The following UBAC2 variants were observed in gnomAD, a reference collection of about 807,000 sequenced individuals.
UBAC2 encodes UBA domain containing 2, also known as ubiquitin-associated domain-containing protein 2.
Under a neutral mutation model 44.0 loss-of-function variants are expected in UBAC2, and 26 were observed. The observed-to-expected ratio is 0.59, with a 90% CI of 0.43 to 0.82. UBAC2 has a LOEUF of 0.82. Ranked by LOEUF, UBAC2 falls within the 40% of genes least tolerant of loss-of-function variation. The pLI is 0.00. For synonymous variants in UBAC2, 155 were observed against 154.3 expected (o/e 1.00, Z -0.04); for missense variants, 329 against 419.4 (o/e 0.78, Z 1.88).
chr13:99,223,580 A>T, intron 1 of UBAC2, among the ~76,000 whole-genome samples: 2 of 114,452 alleles, frequency 1.7e-5, no homozygotes, highest in East Asian at 2.5e-4. Flanking sequence ...ATTGTAACCT[A>T]CACCATTATG....
intron 4 of UBAC2, chr13:99,307,208 A>G (rs755097376): frequency 6.6e-6 from 1 of 152,178 alleles, no homozygotes. Context: ...TTATTAATAT[A>G]ATTTTTGTTA....
rs991509244 is a variant in UBAC2 at position 99,367,718 on chromosome 13, A to G, written c.808-69A>G. On this transcript the variant is annotated intron_variant, in intron 7 of 8. Coordinates refer to ENST00000403766, the MANE Select transcript of UBAC2 (RefSeq NM_001144072.2). ...TATAGATGTAACTGCATTGAGAGAA[A>G]GCTCTTCCAAGCATTATGATGATTC... 23 of 1,600,800 alleles carry G rather than the reference A, an allele frequency of 1.4e-5. No homozygotes were observed. The African/African-American group carries it at 2.4e-4, about 17-fold the overall frequency.
intron 7 of UBAC2, among the ~76,000 whole-genome samples, chr13:99,349,201 G>A (rs2045039223): frequency 6.6e-6 from 1 of 152,176 alleles, no homozygotes; most frequent in South Asian, 2.1e-4. Flanking sequence ...AGTCTCCACA[G>A]CTTCACGGTG....
intron 6 of UBAC2, among the ~76,000 whole-genome samples, chr13:99,327,656 G>A (rs1427774556): frequency 6.6e-6 from 1 of 152,010 alleles, no homozygotes; most frequent in African/African-American, 2.4e-5. Context: ...GTTATCAAAG[G>A]TCTTCCATGT....
At chr13:99,204,068 C>T (rs953001350) in intron 1 of UBAC2, among the ~76,000 whole-genome samples, 3 of 152,194 alleles carry the variant, frequency 2.0e-5, no homozygotes, top group Non-Finnish European at 4.4e-5. Context: ...GTATCATTCA[C>T]TGCATTTATT....
At chr13:99,312,573 C>T (rs540484899) in intron 4 of UBAC2, among the ~76,000 whole-genome samples, 7 of 152,284 alleles carry the variant, frequency 4.6e-5, no homozygotes, top group African/African-American at 1.2e-4. Flanking sequence ...ATCCTTGGCA[C>T]GCATTTGATT....
intron 1 of UBAC2, chr13:99,201,672 T>A: frequency 8.0e-7 from 1 of 1,255,838 alleles, no homozygotes; most frequent in Non-Finnish European, 1.1e-6. Context: ...TAGGCACGGG[T>A]ACAGCAACGG....
intron 4 of UBAC2, among the ~76,000 whole-genome samples, chr13:99,257,767 T>C (rs921147878): frequency 6.6e-6 from 1 of 152,216 alleles, no homozygotes; most frequent in African/African-American, 2.4e-5. Context: ...TGAACATTCC[T>C]AAATATACAT....
At chr13:99,211,718 G>A (rs1056429241) in intron 1 of UBAC2, among the ~76,000 whole-genome samples, 3 of 152,192 alleles carry the variant, frequency 2.0e-5, no homozygotes, top group African/African-American at 7.2e-5. Flanking sequence ...TGCCTGTTCT[G>A]TGTTGCTCAC....
At chr13:99,318,252 C>T (rs2044519822) in intron 6 of UBAC2, among the ~76,000 whole-genome samples, 183 bp downstream of exon 6, 1 of 152,092 alleles carries the variant, frequency 6.6e-6, no homozygotes, top group Non-Finnish European at 1.5e-5. Context: ...ACCACAACCT[C>T]TGCCTCCCGG....
At chr13:99,363,201 G>C (rs2045288399) in intron 7 of UBAC2, among the ~76,000 whole-genome samples, 1 of 152,042 alleles carries the variant, frequency 6.6e-6, no homozygotes, top group African/African-American at 2.4e-5. Context: ...TGGATTTTTT[G>C]CCTAACTTCC....
At chr13:99,314,025 C>T in intron 4 of UBAC2, 72 bp from the exon 5 acceptor site, 1 of 1,430,302 alleles carries the variant, frequency 7.0e-7, no homozygotes, top group East Asian at 2.3e-5. Context: ...AGCAGTGTTA[C>T]TTCAAAGATA....
At chr13:99,229,108 C>T (rs774440060) in intron 1 of UBAC2, among the ~76,000 whole-genome samples, 3 of 152,108 alleles carry the variant, frequency 2.0e-5, no homozygotes, top group Admixed American at 6.5e-5. Flanking sequence ...GTGGATGTAG[C>T]GAAGGGTAAG....
At chr13:99,292,147 T>G (rs2044098257) in intron 4 of UBAC2, among the ~76,000 whole-genome samples, 1 of 152,096 alleles carries the variant, frequency 6.6e-6, no homozygotes, top group East Asian at 1.9e-4. Flanking sequence ...TCTTTTCTTT[T>G]TTTTTTGAGA....
At chr13:99,348,040 T>C (rs1471447494) in intron 7 of UBAC2, among the ~76,000 whole-genome samples, 1 of 152,156 alleles carries the variant, frequency 6.6e-6, no homozygotes, top group Admixed American at 6.5e-5. Flanking sequence ...AGCTGCCTTC[T>C]CCAAAGCAGG....
chr13:99,214,038 C>G (rs760211495), intron 1 of UBAC2, among the ~76,000 whole-genome samples: 6 of 151,934 alleles, frequency 3.9e-5, no homozygotes, highest in Non-Finnish European at 8.8e-5. Flanking sequence ...AGGCTGGTCT[C>G]GAACTCCCAA....
chr13:99,265,578 T>G (rs1049743070), intron 4 of UBAC2, among the ~76,000 whole-genome samples: 3 of 152,226 alleles, frequency 2.0e-5, no homozygotes, highest in Non-Finnish European at 2.9e-5. Flanking sequence ...GATTGCACTT[T>G]CACCCCTTTT....
chr13:99,253,609 G>A (rs948310919), intron 4 of UBAC2, among the ~76,000 whole-genome samples: 1 of 152,130 alleles, frequency 6.6e-6, no homozygotes. Flanking sequence ...CGCCTCCTGG[G>A]TTCAAGCTAT....
intron 2 of UBAC2, among the ~76,000 whole-genome samples, chr13:99,240,301 C>T (rs888347189): frequency 2.0e-5 from 3 of 152,176 alleles, no homozygotes; most frequent in African/African-American, 7.2e-5. Flanking sequence ...TATACCAGCT[C>T]TCATAGTTTT....
Sources: allele counts gnomAD v4.1 joint callset (sites outside exome capture counted in the v4.1 genomes callset), GRCh38; gene constraint gnomAD v4.1.1; transcripts MANE v1.5; gene names NCBI Gene and HGNC (gene_info 2026-07-23, HGNC 2026-07-21).